SUPT3H: variants seen among roughly 807,000 people sequenced by gnomAD.
SUPT3H encodes SPT3 homolog, SAGA and STAGA complex component.
A neutral mutation model predicts 44.3 loss-of-function variants in SUPT3H; 44 were observed. The observed-to-expected ratio is 0.99, with a 90% CI of 0.78 to 1.28. SUPT3H has a LOEUF of 1.28. Among genes scored for constraint, SUPT3H ranks in the 50% most tolerant of loss-of-function variants. The probability of loss-of-function intolerance (pLI) is 0.00; values close to 1 mark genes in which losing one functional copy is unlikely to be tolerated. For synonymous variants in SUPT3H, 124 were observed against 125.6 expected (o/e 0.99, Z 0.09); for missense variants, 380 against 387.1 (o/e 0.98, Z 0.15).
At chr6:45,076,276 A>T (rs1238707873) in intron 3 of SUPT3H, among the ~76,000 whole-genome samples, 1 of 152,192 alleles carries the variant, frequency 6.6e-6, no homozygotes, top group African/African-American at 2.4e-5. Context: ...ACTTTTTTAG[A>T]AAACTTCAGA....
At chr6:45,231,864 A>T (rs182570018) in intron 2 of SUPT3H, among the ~76,000 whole-genome samples, 7 of 152,252 alleles carry the variant, frequency 4.6e-5, no homozygotes, top group East Asian at 1.9e-4. Context: ...TGGTTGTTCT[A>T]GTCTATTGCT....
In SUPT3H at chr6:45,026,826, C is replaced by T. The variant is rs534427919; in HGVS notation, c.187-6194G>A. On this transcript the variant is annotated intron_variant, in intron 3 of 10. Transcript: ENST00000371459. ...TGACCATCTCTCCTCTTGACTTTACCTATGAAATATAATTTTTGTTTAAAT... is the reference window on the plus strand; with the variant it reads ...TGACCATCTCTCCTCTTGACTTTACTTATGAAATATAATTTTTGTTTAAAT... 5.3e-5 allele frequency among the ~76,000 whole-genome samples: 8 copies of T among 152,144 alleles called. No homozygotes were observed. The South Asian group carries it at 1.7e-3, about 32-fold the overall frequency.
chr6:45,011,602 A>C (rs1191366428), intron 5 of SUPT3H, among the ~76,000 whole-genome samples: 1 of 152,064 alleles, frequency 6.6e-6, no homozygotes, highest in Non-Finnish European at 1.5e-5. Context: ...GACCCAACAT[A>C]ACAATTTTTA....
chr6:45,084,815 C>G (rs577983395), intron 3 of SUPT3H, among the ~76,000 whole-genome samples: 84 of 152,276 alleles, frequency 5.5e-4, no homozygotes, highest in South Asian at 5.4e-3. Context: ...TTTGCAGAAA[C>G]ATTGATATAG....
intron 2 of SUPT3H, among the ~76,000 whole-genome samples, chr6:45,348,512 C>CAA (rs754208599): frequency 5.4e-5 from 6 of 110,366 alleles, no homozygotes; most frequent in African/African-American, 2.2e-4. Context: ...ACTAAAAATA[C>CAA]AAAAAAAAAA....
At chr6:45,266,582 A>G (rs534481381) in intron 2 of SUPT3H, among the ~76,000 whole-genome samples, 1 of 152,104 alleles carries the variant, frequency 6.6e-6, no homozygotes, top group African/African-American at 2.4e-5. Context: ...ATATTAAATT[A>G]TTAAATATTA....
At chr6:45,261,196 T>G (rs1224869678) in intron 2 of SUPT3H, among the ~76,000 whole-genome samples, 1 of 151,682 alleles carries the variant, frequency 6.6e-6, no homozygotes, top group East Asian at 1.9e-4. Context: ...AAAAATCAAG[T>G]GGGAACTCCT....
chr6:45,141,693 G>C (rs1297312121), intron 2 of SUPT3H, among the ~76,000 whole-genome samples: 1 of 152,060 alleles, frequency 6.6e-6, no homozygotes, highest in Non-Finnish European at 1.5e-5. Flanking sequence ...CAAGAAATTT[G>C]AGATTATGTA....
chr6:45,292,361 T>G (rs1266092848), intron 2 of SUPT3H, among the ~76,000 whole-genome samples: 1 of 151,998 alleles, frequency 6.6e-6, no homozygotes, highest in Non-Finnish European at 1.5e-5. Flanking sequence ...TCACAGGACC[T>G]ATAAAACAAA....
intron 6 of SUPT3H, among the ~76,000 whole-genome samples, chr6:44,988,304 G>A (rs958316827): frequency 2.6e-5 from 4 of 151,708 alleles, no homozygotes; most frequent in African/African-American, 7.3e-5. Flanking sequence ...ACATATCAAT[G>A]TCACCAAGAA....
intron 2 of SUPT3H, among the ~76,000 whole-genome samples, chr6:45,181,437 T>C (rs1813158074): frequency 6.6e-6 from 1 of 152,104 alleles, no homozygotes; most frequent in African/African-American, 2.4e-5. Flanking sequence ...TGCGGCATTA[T>C]TCACAATAGC....
At chr6:45,041,333 G>A (rs1285406591) in intron 3 of SUPT3H, among the ~76,000 whole-genome samples, 1 of 152,102 alleles carries the variant, frequency 6.6e-6, no homozygotes. Flanking sequence ...AAAATCCAAC[G>A]GATTAAAGGG....
chr6:45,313,654 T>TCTA (rs1554338523), intron 2 of SUPT3H, among the ~76,000 whole-genome samples: 12 of 16,810 alleles, frequency 7.1e-4, no homozygotes, highest in Non-Finnish European at 1.1e-3. Flanking sequence ...ATTTAAAAAT[T>TCTA]ATAAAAAAAA....
intron 2 of SUPT3H, among the ~76,000 whole-genome samples, chr6:45,267,587 G>T (rs1775457922): frequency 6.6e-6 from 1 of 152,186 alleles, no homozygotes; most frequent in Non-Finnish European, 1.5e-5. Context: ...TTATTCTTCA[G>T]TGCCTAATAC....
At chr6:45,224,890 A>T (rs763296522) in intron 2 of SUPT3H, among the ~76,000 whole-genome samples, 1 of 152,156 alleles carries the variant, frequency 6.6e-6, no homozygotes, top group African/African-American at 2.4e-5. Context: ...TATCATTGCC[A>T]CTATAATAAA....
intron 2 of SUPT3H, among the ~76,000 whole-genome samples, chr6:45,222,851 T>C (rs1766291113): frequency 6.6e-6 from 1 of 152,162 alleles, no homozygotes; most frequent in Non-Finnish European, 1.5e-5. Flanking sequence ...CATGGAATAC[T>C]CTTATCAATA....
At chr6:44,853,382 G>A (rs551556547) in intron 10 of SUPT3H, among the ~76,000 whole-genome samples, 15 of 152,260 alleles carry the variant, frequency 9.9e-5, no homozygotes, top group African/African-American at 3.6e-4. Context: ...TGCAAGTGGT[G>A]CATGAGGTGG....
intron 2 of SUPT3H, among the ~76,000 whole-genome samples, chr6:45,257,818 G>C (rs1773663998): frequency 6.6e-6 from 1 of 152,134 alleles, no homozygotes; most frequent in Non-Finnish European, 1.5e-5. Context: ...TGTGACCTGA[G>C]AATACTCACT....
At chr6:45,294,799 A>ACCT (rs1483995921) in intron 2 of SUPT3H, among the ~76,000 whole-genome samples, 1 of 148,690 alleles carries the variant, frequency 6.7e-6, no homozygotes, top group African/African-American at 2.5e-5. Context: ...GAGGTGAAAG[A>ACCT]CCTCTACAAG....
Sources: allele counts gnomAD v4.1 joint callset (sites outside exome capture counted in the v4.1 genomes callset), GRCh38; gene constraint gnomAD v4.1.1; transcripts MANE v1.5; gene names NCBI Gene and HGNC (gene_info 2026-07-23, HGNC 2026-07-21).